Variants in EMP3 observed in about 807,000 individuals in gnomAD.
EMP3 encodes the protein epithelial membrane protein 3 (MAM blood group), also known as epithelial membrane protein 3.
Under a neutral mutation model 21.6 loss-of-function variants are expected in EMP3, and 15 were observed. That is an observed-to-expected ratio of 0.69 (90% CI 0.46 to 1.07). EMP3 has a LOEUF of 1.07. Ranked by LOEUF, EMP3 falls within the 50% of genes least tolerant of loss-of-function variation. The pLI is 0.00. For synonymous variants in EMP3, 107 were observed against 86.1 expected (o/e 1.24, Z -1.34); for missense variants, 183 against 206.6 (o/e 0.89, Z 0.70).
Position 48,330,499 on chromosome 19 carries a change from C to T in EMP3, c.*29C>T. On this transcript the variant is annotated 3_prime_UTR_variant, in exon 5 of 5. Coordinates refer to ENST00000270221, the MANE Select transcript of EMP3 (RefSeq NM_001425.3). ...CCCCGCCTCGCTCGGCTGCCCCCGC[C>T]CCTTCCCGGCCCCCCTCGCCGCGCG... is the stretch of plus-strand genomic sequence containing the variant. The T allele has an allele frequency of 6.5e-7, 1 of 1,538,120 alleles. No individual in the cohort carries two copies.
chr19:48,329,543 G>GC lies in EMP3; in HGVS notation c.322+51_322+52insC. 6.2e-7 allele frequency: 1 copy of GC among 1,601,166 alleles called. No homozygotes were observed. The highest frequency in any genetic ancestry group is 8.5e-7 in the Non-Finnish European group (1 of 1,171,882). ...AATCCCCCAAGAATTGAGCAGAAGG[G>GC]AGTGGGGTGTGTCAAGATGCTGGGG... On this transcript the variant is annotated intron_variant, in intron 4 of 4. Transcript: ENST00000270221. This position sits in a 1 kb window ranked among gnomAD's most constrained non-coding sequence, Gnocchi z 4.5.
rs1385229876 is a variant in EMP3, at chr19:48,329,332, C to T, written c.182-20C>T. ...TCTGGACCCACGGTGATGTCCCCCTCTGTGTCCTCCTTACTGCAGGCTGGC... is the reference window on the plus strand; with the variant it reads ...TCTGGACCCACGGTGATGTCCCCCTTTGTGTCCTCCTTACTGCAGGCTGGC... On this transcript the variant is annotated intron_variant, in intron 3 of 4. Transcript: ENST00000270221. This position sits in a 1 kb window ranked among gnomAD's most constrained non-coding sequence, Gnocchi z 4.5. The T allele has an allele frequency of 6.2e-7, 1 of 1,613,956 alleles. No individual in the cohort carries two copies. The highest frequency in any genetic ancestry group is 8.5e-7 in the Non-Finnish European group (1 of 1,179,874).
At chr19:48,325,866 G>C (rs1969114649) in intron 1 of EMP3, 1 of 152,154 alleles carries the variant, frequency 6.6e-6, no homozygotes, top group Non-Finnish European at 1.5e-5. Flanking sequence ...ACTGTCCTCT[G>C]GGGTCCCTGA....
In EMP3 at chr19:48,326,905, G is replaced by C. The variant is rs752508584; in HGVS notation, c.61G>C (p.Val21Leu). The C allele has an allele frequency of 1.2e-6, 2 of 1,613,878 alleles. No individual in the cohort carries two copies. Among genetic ancestry groups the C allele is most frequent in the South Asian group, 1.1e-5 (1 of 91,068 alleles). ...CATCCTCATTCTTATACTGCTTTTC[G>C]TGGCCACTTTGGACAAGGTAAGCCT... ...LHILILILLF[V>L]ATLDKSWWTL... Residue 21 changes from valine (V) to leucine (L), a missense_variant, in exon 2 of 5, where the codon GTG becomes CTG. Coordinates refer to ENST00000270221, the MANE Select transcript of EMP3 (RefSeq NM_001425.3).
At chr19:48,328,046 T>C (rs1398276425) in intron 3 of EMP3, among the ~76,000 whole-genome samples, 3 of 152,072 alleles carry the variant, frequency 2.0e-5, no homozygotes, top group Non-Finnish European at 2.9e-5. Context: ...CTTCAGCTAA[T>C]CCACCTGCTT....
At chr19:48,326,954 T>G (rs1335182168) in intron 2 of EMP3, 32 bp downstream of exon 2, 8 of 1,592,910 alleles carry the variant, frequency 5.0e-6, no homozygotes, top group Non-Finnish European at 6.9e-6. Context: ...GGCCCTTCTG[T>G]TCCCCTTTGG....
rs905315486 is a variant in EMP3 at position 48,329,434 on chromosome 19, C to G, written c.264C>G (p.Leu88=). 4 of 1,614,066 alleles carry G rather than the reference C, an allele frequency of 2.5e-6. No homozygotes were observed. Among genetic ancestry groups the G allele is most frequent in the Admixed American group, 1.7e-5 (1 of 60,004 alleles). Residue 88 remains leucine (L), a synonymous_variant, in exon 4 of 5, where the codon CTC becomes CTG. Coordinates refer to ENST00000270221, the MANE Select transcript of EMP3 (RefSeq NM_001425.3). The surrounding 1 kb of genome is among the most constrained non-coding windows in gnomAD (Gnocchi z 4.5). ...CCTTCATCCTGTTCATGTTCCAGCT[C>G]TACACCATGCGACGAGGAGGTCTCT... is the stretch of plus-strand genomic sequence containing the variant. ...CLSFILFMFQ[L]YTMRRGGLFY...
At chr19:48,328,111 C>T (rs1404882023) in intron 3 of EMP3, among the ~76,000 whole-genome samples, 1 of 152,050 alleles carries the variant, frequency 6.6e-6, no homozygotes, top group African/African-American at 2.4e-5. Context: ...CAGCCAGTAC[C>T]TCCTGTTCTG....
chr19:48,325,874 T>C (rs62131980), intron 1 of EMP3: 10,013 of 152,152 alleles, frequency 0.066, 551 homozygotes, highest in African/African-American at 0.14. Flanking sequence ...CTGGGGTCCC[T>C]GAGATCAGGG....
At position 48,330,284 on chromosome 19, in the gene EMP3, G is replaced by T; in HGVS notation, c.323-17G>T. The T allele has an allele frequency of 6.4e-7, 1 of 1,570,280 alleles. No homozygotes were observed. On this transcript the variant is annotated splice_polypyrimidine_tract_variant and intron_variant, in intron 4 of 4. Coordinates refer to ENST00000270221, the MANE Select transcript of EMP3 (RefSeq NM_001425.3). ...TTGAGGGGGCACTGCATGACGTGTGGTTTTCATCTTCCGCAGGCGTGGCGG... is the reference window on the plus strand; with the variant it reads ...TTGAGGGGGCACTGCATGACGTGTGTTTTTCATCTTCCGCAGGCGTGGCGG...
intron 3 of EMP3, among the ~76,000 whole-genome samples, chr19:48,328,411 CAAAAAAAAAA>C (rs746709296): frequency 3.6e-4 from 29 of 80,682 alleles, no homozygotes; most frequent in Middle Eastern, 7.2e-3. Flanking sequence ...GATTCTGTCT[CAAAAAAAAAA>C]AAAAAAAAAA....
chr19:48,326,303 G>A (rs1444176743), intron 1 of EMP3, among the ~76,000 whole-genome samples: 1 of 151,960 alleles, frequency 6.6e-6, no homozygotes, highest in Non-Finnish European at 1.5e-5. Flanking sequence ...AGGGTTCTGG[G>A]GAGAGAGGAG....
intron 3 of EMP3, among the ~76,000 whole-genome samples, chr19:48,328,706 C>A (rs57143359): frequency 6.6e-6 from 1 of 152,130 alleles, no homozygotes; most frequent in African/African-American, 2.4e-5. Context: ...TTCTATTCAA[C>A]CTTTTACTGG....
In EMP3 at chr19:48,329,383, G is replaced by A. The variant is rs758799081; in HGVS notation, c.213G>A (p.Val71=). The A allele has an allele frequency of 2.5e-6, 4 of 1,614,052 alleles. No individual in the cohort carries two copies. The South Asian group carries it at 4.4e-5, about 18-fold the overall frequency. ...TGAAGGCGGTGCAGGTCCTCATGGT[G>A]CTCTCCCTCATTCTCTGCTGTCTCT... ...GWLKAVQVLM[V]LSLILCCLSF... is the part of the protein sequence containing the mutation. The change falls in exon 4 of 5, where the codon GTG becomes GTA. Residue 71 remains valine (V), a synonymous_variant. Coordinates refer to ENST00000270221, the MANE Select transcript of EMP3 (RefSeq NM_001425.3). This position sits in a 1 kb window ranked among gnomAD's most constrained non-coding sequence, Gnocchi z 4.5.
At chr19:48,327,054 C>CCCTTGTCTCAAAAT in intron 2 of EMP3, 132 bp downstream of exon 2, 2 of 808,466 alleles carry the variant, frequency 2.5e-6, no homozygotes, top group Non-Finnish European at 4.0e-6. Flanking sequence ...TATTTTGAGA[C>CCCTTGTCTCAAAAT]AAGGGTCTCA....
chr19:48,330,221 C>T (rs1969184162), intron 4 of EMP3, 80 bp from the exon 5 acceptor site: 1 of 1,462,698 alleles, frequency 6.8e-7, no homozygotes, highest in East Asian at 2.6e-5. Context: ...GGCCCTCCGG[C>T]GCTTCTTTGC....
At position 48,329,400 on chromosome 19, in the gene EMP3, G is replaced by T; in HGVS notation, c.230G>T (p.Cys77Phe). ...QVLMVLSLIL[C>F]CLSFILFMFQ... ...CTCATGGTGCTCTCCCTCATTCTCT[G>T]CTGTCTCTCCTTCATCCTGTTCATG... The change falls in exon 4 of 5, where the codon TGC (cysteine) becomes TTC (phenylalanine). Residue 77 changes from cysteine to phenylalanine, a missense_variant. Cys to Phe is a radical substitution (Grantham distance 205). Coordinates refer to ENST00000270221, the MANE Select transcript of EMP3 (RefSeq NM_001425.3). This position sits in a 1 kb window ranked among gnomAD's most constrained non-coding sequence, Gnocchi z 4.5. The T allele has an allele frequency of 6.2e-7, 1 of 1,614,096 alleles. No homozygotes were observed. Among genetic ancestry groups the T allele is most frequent in the Non-Finnish European group, 8.5e-7 (1 of 1,180,010 alleles).
At chr19:48,327,940 T>G (rs1969151845) in intron 3 of EMP3, 3 of 320,640 alleles carry the variant, frequency 9.4e-6, no homozygotes, top group Non-Finnish European at 1.8e-5. Flanking sequence ...CCCGAGTAGC[T>G]GGGACTGCAG....
Position 48,327,528 on chromosome 19 carries a change from G to C in EMP3, c.86G>C (p.Trp29Ser), listed in dbSNP as rs755308681. Residue 29 changes from tryptophan to serine, a missense_variant, in exon 3 of 5, where the codon TGG (tryptophan) becomes TCG (serine). Physicochemically the swap from Trp to Ser is radical, Grantham distance 177. Coordinates refer to ENST00000270221, the MANE Select transcript of EMP3 (RefSeq NM_001425.3). The part of the protein sequence containing the change: ...LFVATLDKSW[W>S]TLPGKESLNL... ...GTTCTCTGTCCATCCCAGTCCTGGT[G>C]GACTCTCCCTGGGAAAGAGTCCCTG... The C allele has an allele frequency of 1.2e-6, 2 of 1,612,634 alleles. No individual in the cohort carries two copies. The highest frequency in any genetic ancestry group is 2.2e-5 in the South Asian group (2 of 90,726).
Sources: allele counts gnomAD v4.1 joint callset (sites outside exome capture counted in the v4.1 genomes callset), GRCh38; gene constraint gnomAD v4.1.1; non-coding constraint Gnocchi (gnomAD v3.1); transcripts MANE v1.5; gene names NCBI Gene and HGNC (gene_info 2026-07-23, HGNC 2026-07-21).